The following NRG1 variants were observed in gnomAD, a reference collection of about 807,000 sequenced individuals.
NRG1 encodes pro-neuregulin-1, membrane-bound isoform.
NRG1 carries 18 observed loss-of-function variants against 63.8 expected under a neutral mutation model. The ratio of observed to expected loss-of-function variants is 0.28; its 90% CI spans 0.19 to 0.42. The LOEUF (loss-of-function observed/expected upper bound fraction) is 0.42. NRG1 is among the 10% of genes least tolerant of loss of function. NRG1 has a pLI of 1.00. For missense variants in NRG1, 762 were observed against 814.7 expected (o/e 0.94, Z 0.79); for synonymous variants, 302 against 301.3 (o/e 1.00, Z -0.02).
At chr8:31,668,218 C>G (rs997932689) in intron 1 of NRG1, among the ~76,000 whole-genome samples, 2 of 152,142 alleles carry the variant, frequency 1.3e-5, no homozygotes, top group Non-Finnish European at 2.9e-5. Context: ...GGTGGAACCT[C>G]TTATTCTTGG....
At chr8:32,733,204 C>T (rs1406203987) in intron 6 of NRG1, among the ~76,000 whole-genome samples, 2 of 152,002 alleles carry the variant, frequency 1.3e-5, no homozygotes, top group African/African-American at 4.8e-5. Flanking sequence ...TTTGACAGAT[C>T]GTTTAATATT....
rs4419771 is a variant in NRG1, at chr8:31,716,283, A to G, written c.37+76852A>G. Among the ~76,000 whole-genome samples, 499 of 152,278 alleles carry G rather than the reference A, an allele frequency of 3.3e-3. 5 individuals carry two copies. Among genetic ancestry groups the G allele is most frequent in the African/African-American group, 0.012 (484 of 41,552 alleles). On this transcript the variant is annotated intron_variant, in intron 1 of 10. Coordinates refer to the NRG1 transcript ENST00000519301. ...TTGTATTTTGTTTAGTTTCTAGGGA[A>G]CATAATTTTCTTTGTGTTTCTTTTT...
intron 1 of NRG1, among the ~76,000 whole-genome samples, chr8:31,975,216 G>C (rs959901077): frequency 2.4e-4 from 37 of 152,258 alleles, no homozygotes; most frequent in African/African-American, 8.4e-4. Context: ...TCAGAAAGAA[G>C]GTTCGGAGAG....
intron 5 of NRG1, among the ~76,000 whole-genome samples, chr8:32,688,258 C>G (rs945974196): frequency 5.9e-5 from 9 of 152,150 alleles, no homozygotes; most frequent in African/African-American, 2.2e-4. Context: ...TCCTTCAGTG[C>G]TCTTTATACT....
rs372665775 is a variant in NRG1, at chr8:31,941,110, G to C, written c.37+301679G>C. ...GACATAACAAAAAACGAAAACTACA[G>C]TCAGTATCCCTGATGAACATAGATG... On this transcript the variant is annotated intron_variant, in intron 1 of 10. Transcript: ENST00000519301. 3.7e-4 allele frequency among the ~76,000 whole-genome samples: 57 copies of C among 152,018 alleles called. No homozygotes were observed. In the South Asian group the frequency reaches 0.012, roughly 32 times the overall value.
chr8:32,170,771 C>G (rs1839942261), intron 1 of NRG1, among the ~76,000 whole-genome samples: 1 of 152,186 alleles, frequency 6.6e-6, no homozygotes, highest in South Asian at 2.1e-4. Flanking sequence ...AGTGATTGCT[C>G]TAGAGACATT....
At chr8:32,282,626 T>C (rs1321154532) in intron 1 of NRG1, among the ~76,000 whole-genome samples, 1 of 152,218 alleles carries the variant, frequency 6.6e-6, no homozygotes, top group Non-Finnish European at 1.5e-5. Context: ...AGCTTTCACA[T>C]TCAAGGTCTT....
Position 32,668,249 on chromosome 8 carries a change from C to G in NRG1, c.502+51364C>G, listed in dbSNP as rs141341854. Among the ~76,000 whole-genome samples, 1,141 of 151,960 alleles carry G rather than the reference C, an allele frequency of 7.5e-3. 5 individuals carry two copies. The highest frequency in any genetic ancestry group is 0.024 in the Middle Eastern group (7 of 292). On this transcript the variant is annotated intron_variant, in intron 5 of 11. Coordinates refer to ENST00000356819, the Ensembl canonical transcript of NRG1. ...AAAGTGACATGCTGGTTAAAGGTCC[C>G]TGTCCATATCCCCCTTTTGCAACTA...
intron 1 of NRG1, among the ~76,000 whole-genome samples, chr8:32,422,149 A>G (rs1164421858): frequency 6.6e-6 from 1 of 152,202 alleles, no homozygotes; most frequent in Non-Finnish European, 1.5e-5. Context: ...TAAGAAAAGA[A>G]ATAGAAAAAA....
intron 1 of NRG1, among the ~76,000 whole-genome samples, chr8:32,020,272 AT>A (rs1161433064): frequency 6.6e-6 from 1 of 152,178 alleles, no homozygotes; most frequent in Non-Finnish European, 1.5e-5. Flanking sequence ...GCTAAATGGT[AT>A]TTTTATCTCA....
intron 1 of NRG1, among the ~76,000 whole-genome samples, chr8:32,008,086 G>A (rs1381250855): frequency 3.3e-5 from 5 of 152,132 alleles, no homozygotes; most frequent in Non-Finnish European, 7.4e-5. Flanking sequence ...TATCCATTTT[G>A]CAGTTCTTAT....
intron 1 of NRG1, among the ~76,000 whole-genome samples, chr8:32,575,608 G>A (rs1472588030): frequency 6.6e-6 from 1 of 152,148 alleles, no homozygotes; most frequent in Non-Finnish European, 1.5e-5. Context: ...CTACACTGGA[G>A]ATAATAATAT....
intron 1 of NRG1, among the ~76,000 whole-genome samples, chr8:32,111,881 G>A (rs1270034463): frequency 6.6e-6 from 1 of 152,078 alleles, no homozygotes; most frequent in Admixed American, 6.5e-5. Context: ...AATTGGTGTT[G>A]AATTGATCTT....
At chr8:31,670,208 G>C (rs528991984) in intron 1 of NRG1, among the ~76,000 whole-genome samples, 9 of 151,838 alleles carry the variant, frequency 5.9e-5, no homozygotes, top group Non-Finnish European at 1.2e-4. Flanking sequence ...TTATTTTTTA[G>C]GACAAAAACT....
At chr8:32,098,164 AGGC>A (rs1830128613) in intron 1 of NRG1, among the ~76,000 whole-genome samples, 2 of 152,244 alleles carry the variant, frequency 1.3e-5, no homozygotes, top group African/African-American at 4.8e-5. Flanking sequence ...AAGGCATTTC[AGGC>A]TAGAGAAAGT....
intron 1 of NRG1, among the ~76,000 whole-genome samples, chr8:31,721,809 G>T (rs1247822716): frequency 3.3e-5 from 5 of 151,930 alleles, no homozygotes. Context: ...CTCCTCAGTT[G>T]TCCAGGTTAT....
intron 1 of NRG1, among the ~76,000 whole-genome samples, chr8:31,961,945 A>G (rs1805524593): frequency 6.6e-6 from 1 of 152,042 alleles, no homozygotes; most frequent in African/African-American, 2.4e-5. Context: ...TTGGATTTTC[A>G]TATATTTTAT....
intron 1 of NRG1, among the ~76,000 whole-genome samples, chr8:32,334,503 C>T (rs181103154): frequency 1.2e-3 from 187 of 152,202 alleles, no homozygotes; most frequent in African/African-American, 4.3e-3. Context: ...TAAGGAAGTC[C>T]CAGCTCAGAT....
intron 1 of NRG1, among the ~76,000 whole-genome samples, chr8:32,514,117 C>A (rs1002848994): frequency 1.3e-5 from 2 of 152,298 alleles, no homozygotes; most frequent in African/African-American, 4.8e-5. Flanking sequence ...CAAGACTTGT[C>A]TGCAAATTCT....
Sources: gnomAD v4.1 joint callset for allele counts (sites outside exome capture counted in the v4.1 genomes callset) on GRCh38, gnomAD v4.1.1 for gene constraint, MANE v1.5 for transcripts, NCBI Gene and HGNC (gene_info 2026-07-23, HGNC 2026-07-21) for gene names.